Variants in DIRAS2 observed in about 807,000 individuals in gnomAD.
DIRAS2 encodes GTP-binding protein Di-Ras2.
Under a neutral mutation model 13.9 loss-of-function variants are expected in DIRAS2, and 5 were observed. That is an observed-to-expected ratio of 0.36 (90% CI 0.19 to 0.76). The LOEUF (loss-of-function observed/expected upper bound fraction) is 0.76, where lower values mean the gene tolerates loss of function less well. Among genes scored for constraint, DIRAS2 ranks in the 30% least tolerant of loss-of-function variants. The pLI, the probability that DIRAS2 is intolerant of heterozygous loss-of-function variation, is 0.53. For synonymous variants in DIRAS2, 111 were observed against 105.4 expected (o/e 1.05, Z -0.33); for missense variants, 191 against 263.0 (o/e 0.73, Z 1.89).
rs2118530287 is a variant in DIRAS2, at chr9:90,611,731, CCTT to C, written c.*1494_*1496del. The stretch of plus-strand genomic sequence containing the variant: ...GGCAGGCCCACGTGGGACTGCAGCT[CCTT>C]CTGCCTGCCAGGCGGGTGACAGGAA... On this transcript the variant is annotated 3_prime_UTR_variant, in exon 2 of 2. Coordinates refer to ENST00000375765, the MANE Select transcript of DIRAS2 (RefSeq NM_017594.5). 3 of 152,434 alleles carry C rather than the reference CCTT, an allele frequency of 2.0e-5. No homozygotes were observed. In the East Asian group the frequency reaches 5.8e-4, roughly 29 times the overall value. The allele number at this position is 152,434 out of a possible 1,614,324, so 9.4% of individuals were successfully genotyped here.
chr9:90,620,819 C>T (rs992204544), intron 1 of DIRAS2, among the ~76,000 whole-genome samples: 1 of 151,996 alleles, frequency 6.6e-6, no homozygotes, highest in African/African-American at 2.4e-5. Flanking sequence ...TTGAACCTGA[C>T]GGTGGCCTGC....
In DIRAS2 at chr9:90,624,889, C is replaced by G. The variant is rs80145145; in HGVS notation, c.-36-11026G>C. Among the ~76,000 whole-genome samples the G allele has an allele frequency of 5.7e-4, 87 of 152,230 alleles. 2 individuals carry two copies. In the South Asian group the frequency reaches 0.018, roughly 31 times the overall value. On this transcript the variant is annotated intron_variant, in intron 1 of 1. Coordinates refer to ENST00000375765, the MANE Select transcript of DIRAS2 (RefSeq NM_017594.5). ...GCCACCACCTGCCTCAGCCTCCCGA[C>G]GTGTTGGGCTTATAGGTGTGAGCCC...
intron 1 of DIRAS2, among the ~76,000 whole-genome samples, chr9:90,615,239 G>T (rs188053726): frequency 1.2e-3 from 184 of 152,294 alleles, no homozygotes; most frequent in African/African-American, 3.4e-3. Flanking sequence ...AGAACATCAG[G>T]TCAAAGCCCT....
chr9:90,638,286 T>C (rs1314462760), intron 1 of DIRAS2, among the ~76,000 whole-genome samples: 1 of 152,218 alleles, frequency 6.6e-6, no homozygotes, highest in Non-Finnish European at 1.5e-5. Context: ...AAGCATTATA[T>C]GTAAATCTGG....
At chr9:90,615,329 G>C (rs375305400) in intron 1 of DIRAS2, among the ~76,000 whole-genome samples, 3 of 152,246 alleles carry the variant, frequency 2.0e-5, no homozygotes, top group African/African-American at 7.2e-5. Context: ...AGCTGTTCTT[G>C]CATGCACTTT....
chr9:90,628,605 C>T lies in DIRAS2; in HGVS notation c.-37+14147G>A, dbSNP rs143943170. ...CTGTTGCCTAGGCTGGAGTGCAGTG[C>T]CTCACGCATGGCTCACTATAGCCTC... On this transcript the variant is annotated intron_variant, in intron 1 of 1. Coordinates refer to ENST00000375765, the MANE Select transcript of DIRAS2 (RefSeq NM_017594.5). Among the ~76,000 whole-genome samples the T allele has an allele frequency of 4.5e-3, 675 of 150,992 alleles. 3 individuals carry two copies. The highest frequency in any genetic ancestry group is 0.016 in the African/African-American group (639 of 41,104).
intron 1 of DIRAS2, among the ~76,000 whole-genome samples, chr9:90,635,646 G>A (rs1424050895): frequency 2.0e-5 from 3 of 152,222 alleles, no homozygotes; most frequent in Non-Finnish European, 2.9e-5. Context: ...TCATGATTTG[G>A]ATGTAGCCTT....
intron 1 of DIRAS2, among the ~76,000 whole-genome samples, chr9:90,625,465 G>C (rs931046649): frequency 6.6e-6 from 1 of 152,130 alleles, no homozygotes; most frequent in Non-Finnish European, 1.5e-5. Context: ...CTTATGTTTA[G>C]GTCATTGATC....
At chr9:90,619,464 C>A (rs689959) in intron 1 of DIRAS2, among the ~76,000 whole-genome samples, 139,852 of 152,196 alleles carry the variant, frequency 0.92, 64,524 homozygotes, top group Middle Eastern at 0.99. Context: ...CAAAACAAAA[C>A]AAACTATAAA....
chr9:90,624,871 C>A (rs79097412), intron 1 of DIRAS2, among the ~76,000 whole-genome samples: 2,623 of 152,270 alleles, frequency 0.017, 76 homozygotes, highest in African/African-American at 0.057. Flanking sequence ...GGCGCCACCA[C>A]CTGCCTCAGC....
At chr9:90,629,561 A>G (rs755445206) in intron 1 of DIRAS2, among the ~76,000 whole-genome samples, 4 of 152,188 alleles carry the variant, frequency 2.6e-5, no homozygotes, top group Non-Finnish European at 4.4e-5. Flanking sequence ...TGTGAAAAAA[A>G]CCAATACAGT....
At chr9:90,639,948 G>A (rs1474763158) in intron 1 of DIRAS2, among the ~76,000 whole-genome samples, 2 of 152,172 alleles carry the variant, frequency 1.3e-5, no homozygotes, top group African/African-American at 4.8e-5. Context: ...ATGATCTATA[G>A]CTGTGCTGGA....
chr9:90,638,939 G>T (rs1157140491), intron 1 of DIRAS2, among the ~76,000 whole-genome samples: 1 of 152,090 alleles, frequency 6.6e-6, no homozygotes, highest in African/African-American at 2.4e-5. Context: ...TCCTTCAAAG[G>T]CTCCTTTGTC....
intron 1 of DIRAS2, among the ~76,000 whole-genome samples, chr9:90,641,514 C>T (rs542618997): frequency 2.0e-5 from 3 of 152,260 alleles, no homozygotes; most frequent in South Asian, 4.1e-4. Flanking sequence ...TTCCTGTCCC[C>T]AGCCCACAAA....
chr9:90,640,641 C>G (rs973685639), intron 1 of DIRAS2, among the ~76,000 whole-genome samples: 75 of 152,324 alleles, frequency 4.9e-4, no homozygotes, highest in Non-Finnish European at 4.4e-5. Flanking sequence ...AATACTTATA[C>G]CAGGTAGATA....
At chr9:90,625,987 T>A (rs930561075) in intron 1 of DIRAS2, 1 of 152,086 alleles carries the variant, frequency 6.6e-6, no homozygotes, top group Non-Finnish European at 1.5e-5. Flanking sequence ...ATCAAGACCA[T>A]CCTGGCTAAC....
At chr9:90,635,894 T>A (rs1387767310) in intron 1 of DIRAS2, among the ~76,000 whole-genome samples, 2 of 152,224 alleles carry the variant, frequency 1.3e-5, no homozygotes, top group African/African-American at 4.8e-5. Flanking sequence ...GAGGTCTGGG[T>A]TCCATCTGCA....
intron 1 of DIRAS2, among the ~76,000 whole-genome samples, chr9:90,638,503 C>T (rs180725548): frequency 6.6e-6 from 1 of 152,206 alleles, no homozygotes; most frequent in East Asian, 1.9e-4. Flanking sequence ...AATAAGAACC[C>T]AGTGAAGGCC....
In DIRAS2 at chr9:90,613,419, C is replaced by A; in HGVS notation, c.409G>T (p.Glu137Ter). The change falls in exon 2 of 2, where the codon GAG becomes TAG. Residue 137 changes from glutamate (E) to a stop codon, truncating the protein, a stop_gained. Coordinates refer to ENST00000375765, the MANE Select transcript of DIRAS2 (RefSeq NM_017594.5). LOFTEE classifies it high-confidence loss of function. The surrounding 1 kb of genome is among the most constrained non-coding windows in gnomAD (Gnocchi z 5.6). ...PSREVQSSEA[E>*]ALARTWKCAF... ...CACTTCCATGTGCGGGCCAAGGCCT[C>A]CGCCTCGCTGCTCTGCACCTCGCGG... 6.2e-7 allele frequency: 1 copy of A among 1,614,154 alleles called. No homozygotes were observed. Among genetic ancestry groups the A allele is most frequent in the Non-Finnish European group, 8.5e-7 (1 of 1,180,036 alleles).
Sources: gnomAD v4.1 joint callset for allele counts (sites outside exome capture counted in the v4.1 genomes callset) on GRCh38, gnomAD v4.1.1 for gene constraint, Gnocchi (gnomAD v3.1) non-coding constraint, MANE v1.5 for transcripts, NCBI Gene and HGNC (gene_info 2026-07-23, HGNC 2026-07-21) for gene names.